The following UNC5D variants were observed in gnomAD, a reference collection of about 807,000 sequenced individuals.
UNC5D encodes netrin receptor UNC5D.
A neutral mutation model predicts 105.4 loss-of-function variants in UNC5D; 39 were observed. The observed-to-expected ratio is 0.37, with a 90% CI of 0.29 to 0.48. UNC5D has a LOEUF of 0.48. Ranked by LOEUF, UNC5D falls within the 20% of genes least tolerant of loss-of-function variation. The pLI is 0.98. For synonymous variants in UNC5D, 452 were observed against 450.4 expected, an observed-to-expected ratio of 1.00 and a Z score of -0.04; for missense variants, 991 against 1,202.4, an observed-to-expected ratio of 0.82 and a Z score of 2.60.
At chr8:35,735,293 T>C (rs1288223123) in intron 11 of UNC5D, among the ~76,000 whole-genome samples, 3 of 139,228 alleles carry the variant, frequency 2.2e-5, no homozygotes, top group African/African-American at 7.9e-5. Flanking sequence ...AATTATTATA[T>C]GGGGCTTTCT....
intron 1 of UNC5D, among the ~76,000 whole-genome samples, chr8:35,536,670 C>T (rs937661690): frequency 5.9e-5 from 9 of 152,004 alleles, no homozygotes; most frequent in African/African-American, 9.7e-5. Flanking sequence ...AATATGGTCA[C>T]GAATGAATTA....
intron 1 of UNC5D, among the ~76,000 whole-genome samples, chr8:35,510,165 C>G (rs755094845): frequency 6.6e-6 from 1 of 152,016 alleles, no homozygotes; most frequent in Non-Finnish European, 1.5e-5. Context: ...TTCATTCCCT[C>G]TCTCCTCCCC....
At chr8:35,433,536 T>C (rs1438663024) in intron 1 of UNC5D, among the ~76,000 whole-genome samples, 1 of 152,192 alleles carries the variant, frequency 6.6e-6, no homozygotes, top group Admixed American at 6.5e-5. Flanking sequence ...AATTCAGTTA[T>C]GAAAAGACTC....
At chr8:35,753,362 G>A (rs1277293728) in intron 13 of UNC5D, among the ~76,000 whole-genome samples, 1 of 151,902 alleles carries the variant, frequency 6.6e-6, no homozygotes, top group Non-Finnish European at 1.5e-5. Context: ...TCCACCTCCC[G>A]GGTTCACGCC....
At chr8:35,776,647 A>T (rs533760120) in intron 16 of UNC5D, among the ~76,000 whole-genome samples, 20 of 152,290 alleles carry the variant, frequency 1.3e-4, no homozygotes, top group African/African-American at 4.8e-4. Context: ...TTTCTTTAAG[A>T]TCCCATCTCC....
intron 3 of UNC5D, among the ~76,000 whole-genome samples, chr8:35,578,037 C>G (rs1263729234): frequency 6.6e-6 from 1 of 151,694 alleles, no homozygotes; most frequent in Non-Finnish European, 1.5e-5. Flanking sequence ...CCAGCCTGGC[C>G]AACATGGTGA....
intron 2 of UNC5D, among the ~76,000 whole-genome samples, chr8:35,549,734 G>A (rs1171071836): frequency 6.6e-6 from 1 of 152,124 alleles, no homozygotes. Context: ...TCTTGCTGTA[G>A]ATAACTTTAA....
intron 10 of UNC5D, among the ~76,000 whole-genome samples, chr8:35,730,520 A>G (rs999477413): frequency 6.6e-6 from 1 of 152,160 alleles, no homozygotes; most frequent in Non-Finnish European, 1.5e-5. Context: ...ACCACCTTCA[A>G]CTTGCTTCCA....
intron 1 of UNC5D, among the ~76,000 whole-genome samples, chr8:35,415,569 A>G (rs1028837642): frequency 6.6e-6 from 1 of 152,070 alleles, no homozygotes; most frequent in Non-Finnish European, 1.5e-5. Context: ...CCTTTCATCA[A>G]GGTAGCTCTA....
At chr8:35,544,039 C>T (rs756634281) in intron 1 of UNC5D, among the ~76,000 whole-genome samples, 2 of 152,138 alleles carry the variant, frequency 1.3e-5, no homozygotes, top group Non-Finnish European at 2.9e-5. Context: ...AAGTTCTGAG[C>T]CCACCACTTA....
chr8:35,595,185 A>G (rs1357030644), intron 3 of UNC5D, among the ~76,000 whole-genome samples: 1 of 152,212 alleles, frequency 6.6e-6, no homozygotes, highest in African/African-American at 2.4e-5. Context: ...GTGCATCTCA[A>G]CTGCATAATA....
At chr8:35,589,349 T>C (rs1819004958) in intron 3 of UNC5D, among the ~76,000 whole-genome samples, 1 of 152,038 alleles carries the variant, frequency 6.6e-6, no homozygotes, top group South Asian at 2.1e-4. Context: ...TGTTCATCAT[T>C]ATAAATGATT....
chr8:35,456,071 G>T (rs1808470097), intron 1 of UNC5D, among the ~76,000 whole-genome samples: 1 of 152,112 alleles, frequency 6.6e-6, no homozygotes, highest in African/African-American at 2.4e-5. Context: ...GACCTACTTG[G>T]CCTGCCTAAT....
intron 11 of UNC5D, among the ~76,000 whole-genome samples, chr8:35,737,732 G>A (rs923934637): frequency 2.0e-5 from 3 of 152,226 alleles, no homozygotes; most frequent in Admixed American, 2.0e-4. Flanking sequence ...TGCTGGTCCT[G>A]GAACTCATTG....
chr8:35,352,633 G>T (rs547929915), intron 1 of UNC5D, among the ~76,000 whole-genome samples: 1 of 152,036 alleles, frequency 6.6e-6, no homozygotes, highest in Non-Finnish European at 1.5e-5. Context: ...TTGGTTTCGA[G>T]ACAGAGTCTC....
chr8:35,256,813 C>A (rs998576528), intron 1 of UNC5D, among the ~76,000 whole-genome samples: 1 of 151,808 alleles, frequency 6.6e-6, no homozygotes, highest in Admixed American at 6.6e-5. Context: ...ATATAATATG[C>A]CTTTTAGACC....
chr8:35,437,666 G>A (rs1260963295), intron 1 of UNC5D, among the ~76,000 whole-genome samples: 1 of 152,002 alleles, frequency 6.6e-6, no homozygotes, highest in Non-Finnish European at 1.5e-5. Context: ...GGTTTGGAGT[G>A]GTGCTATTAG....
At chr8:35,486,006 TTTC>T (rs1284828932) in intron 1 of UNC5D, among the ~76,000 whole-genome samples, 1 of 152,194 alleles carries the variant, frequency 6.6e-6, no homozygotes, top group Non-Finnish European at 1.5e-5. Context: ...TAGCTGACTA[TTTC>T]CTAATGCTTT....
chr8:35,662,305 A>T (rs1469871143), intron 4 of UNC5D, among the ~76,000 whole-genome samples: 1 of 152,118 alleles, frequency 6.6e-6, no homozygotes, highest in Non-Finnish European at 1.5e-5. Flanking sequence ...CTAGACCGGT[A>T]TCATAAAGCC....
Sources: allele counts gnomAD v4.1 joint callset (sites outside exome capture counted in the v4.1 genomes callset), GRCh38; gene constraint gnomAD v4.1.1; transcripts MANE v1.5; gene names NCBI Gene and HGNC (gene_info 2026-07-23, HGNC 2026-07-21).